Variants in SYT14 observed in about 807,000 individuals in gnomAD.
The protein encoded by SYT14 is synaptotagmin 14, also known as synaptotagmin-14.
A neutral mutation model predicts 74.2 loss-of-function variants in SYT14; 32 were observed. The observed-to-expected ratio is 0.43, with a 90% CI of 0.33 to 0.58. The LOEUF (loss-of-function observed/expected upper bound fraction) is 0.58, where lower values mean the gene tolerates loss of function less well. Ranked by LOEUF, SYT14 falls within the 20% of genes least tolerant of loss-of-function variation. SYT14 has a pLI of 0.05. For missense variants in SYT14, 791 were observed against 981.8 expected, an observed-to-expected ratio of 0.81 and a Z score of 2.60; for synonymous variants, 298 against 337.7, an observed-to-expected ratio of 0.88 and a Z score of 1.29.
chr1:210,043,923 A>G (rs957421550), intron 5 of SYT14, among the ~76,000 whole-genome samples: 3 of 152,174 alleles, frequency 2.0e-5, no homozygotes, highest in Non-Finnish European at 4.4e-5. Context: ...ATTTTTTATT[A>G]GGATAATACC....
exon 7 of SYT14, chr1:210,100,323 A>C (rs2082040381): frequency 7.4e-6 from 12 of 1,614,026 alleles, no homozygotes; most frequent in Non-Finnish European, 1.0e-5. Flanking sequence ...GAAATTATGC[A>C]GTTCGGTTTA....
intron 2 of SYT14, among the ~76,000 whole-genome samples, chr1:209,990,062 T>C (rs2079638433): frequency 6.6e-6 from 1 of 152,126 alleles, no homozygotes; most frequent in Non-Finnish European, 1.5e-5. Context: ...AGACCTCCTG[T>C]TTGCTATCTT....
At chr1:210,021,290 A>G in intron 5 of SYT14, 36 bp downstream of exon 4, 1 of 1,565,394 alleles carries the variant, frequency 6.4e-7, no homozygotes, top group Non-Finnish European at 8.8e-7. Context: ...TACATGACAC[A>G]CTATAGTATT....
At chr1:210,033,757 C>G (rs553641463) in intron 5 of SYT14, among the ~76,000 whole-genome samples, 4 of 151,602 alleles carry the variant, frequency 2.6e-5, no homozygotes, top group African/African-American at 9.7e-5. Context: ...AGTCATTGTG[C>G]CTTGATTTTA....
intron 2 of SYT14, among the ~76,000 whole-genome samples, chr1:209,987,011 C>G (rs2079582759): frequency 6.6e-6 from 1 of 152,220 alleles, no homozygotes; most frequent in African/African-American, 2.4e-5. Context: ...TATGAGTTAC[C>G]TTTGCTCCAG....
Position 210,159,848 on chromosome 1 carries a change from A to G in SYT14, c.2281+371A>G, listed in dbSNP as rs1284269586. Among the ~76,000 whole-genome samples, 3 of 152,198 alleles carry G rather than the reference A, an allele frequency of 2.0e-5. No individual in the cohort carries two copies. In the East Asian group the frequency reaches 5.8e-4, roughly 29 times the overall value. ...TGCTGAAGATCATTTGCATGAGTCT[A>G]AAAAACTTGAAAACAGTCTTATAAA... On this transcript the variant is annotated intron_variant, in intron 9 of 9. Transcript: ENST00000637265.
rs1177057415 is a variant in SYT14 at position 209,990,524 on chromosome 1, CATATATATATATACGTATATATATGT to C, written c.-485-23099_-485-23074del. ...TTTTTAAGGATGAAGGAATATTTCA[CATATATATATATACGTATATATATGT>C]ATATATATACGTATATATATGTATG... On this transcript the variant is annotated intron_variant, in intron 2 of 9. Transcript: ENST00000637265. Among the ~76,000 whole-genome samples the C allele has an allele frequency of 1.5e-3, 5 of 3,394 alleles. 1 individual carries two copies. Among genetic ancestry groups the C allele is most frequent in the Non-Finnish European group, 8.2e-3 (3 of 364 alleles). The allele number at this position is 3,394 out of a possible 152,430, so 2.2% of individuals were successfully genotyped here.
intron 1 of SYT14, among the ~76,000 whole-genome samples, chr1:209,948,039 TA>T (rs2078849879): frequency 6.6e-6 from 1 of 152,236 alleles, no homozygotes; most frequent in South Asian, 2.1e-4. Flanking sequence ...ATTGCACACT[TA>T]ATAGACTACA....
At chr1:209,949,557 G>GT (rs1412740965) in intron 1 of SYT14, among the ~76,000 whole-genome samples, 2 of 143,754 alleles carry the variant, frequency 1.4e-5, no homozygotes, top group Non-Finnish European at 1.5e-5. Flanking sequence ...TGGCGACAGA[G>GT]TGAGACTCCG....
At chr1:210,066,332 C>G (rs2081295904) in intron 5 of SYT14, among the ~76,000 whole-genome samples, 1 of 152,014 alleles carries the variant, frequency 6.6e-6, no homozygotes, top group African/African-American at 2.4e-5. Flanking sequence ...AACTAGTTTA[C>G]AGTCCCACCA....
chr1:210,133,661 C>G (rs1348969082), intron 7 of SYT14, among the ~76,000 whole-genome samples: 1 of 152,122 alleles, frequency 6.6e-6, no homozygotes, highest in Non-Finnish European at 1.5e-5. Flanking sequence ...ATCAAAACCT[C>G]TGTACTTTCT....
intron 2 of SYT14, among the ~76,000 whole-genome samples, chr1:209,960,958 G>T (rs2079067166): frequency 6.6e-6 from 1 of 152,170 alleles, no homozygotes; most frequent in Non-Finnish European, 1.5e-5. Context: ...GCTGAACTTG[G>T]TGCTGCTTTT....
At chr1:210,042,349 T>C (rs1250036968) in intron 5 of SYT14, among the ~76,000 whole-genome samples, 2 of 152,246 alleles carry the variant, frequency 1.3e-5, no homozygotes, top group African/African-American at 4.8e-5. Context: ...TCTTTTGCTG[T>C]GCAGAAGCTC....
At position 210,122,262 on chromosome 1, in the gene SYT14, G is replaced by A. The variant is rs1274988775; in HGVS notation, c.2034+21801G>A. ...CAAAGTGCTGGGATTACAGGCGTGA[G>A]CCACCGCGCCCGGCCCAAATCCTGA... is the stretch of plus-strand genomic sequence containing the variant. On this transcript the variant is annotated intron_variant, in intron 7 of 9. Coordinates refer to ENST00000637265, the Ensembl canonical transcript of SYT14. 1.3e-5 allele frequency among the ~76,000 whole-genome samples: 2 copies of A among 149,820 alleles called. 1 individual carries two copies. Among genetic ancestry groups the A allele is most frequent in the African/African-American group, 5.0e-5 (2 of 40,370 alleles).
At chr1:210,168,933 C>T (rs1315285591) in exon 10 of SYT14, 1 of 152,174 alleles carries the variant, frequency 6.6e-6, no homozygotes, top group African/African-American at 2.4e-5. Flanking sequence ...AGGACGGCCG[C>T]TTCAGTACCC....
At chr1:210,079,627 G>T (rs546160087) in intron 5 of SYT14, among the ~76,000 whole-genome samples, 4 of 152,240 alleles carry the variant, frequency 2.6e-5, no homozygotes, top group African/African-American at 9.6e-5. Context: ...TGAAGGAGTA[G>T]CTGCTAAAGG....
chr1:210,042,713 G>T (rs1472424541), intron 5 of SYT14, among the ~76,000 whole-genome samples: 4 of 152,074 alleles, frequency 2.6e-5, no homozygotes, highest in Non-Finnish European at 5.9e-5. Flanking sequence ...ATTGGTCTAT[G>T]TATCTGTTTT....
chr1:209,978,801 A>T (rs529446108), intron 2 of SYT14, among the ~76,000 whole-genome samples: 4 of 152,320 alleles, frequency 2.6e-5, no homozygotes, highest in African/African-American at 9.6e-5. Context: ...CTGCCCCCAG[A>T]GGTGGAACCT....
intron 5 of SYT14, among the ~76,000 whole-genome samples, chr1:210,054,529 A>G (rs1437114524): frequency 4.6e-5 from 7 of 150,778 alleles, no homozygotes; most frequent in Non-Finnish European, 5.9e-5. Context: ...CTTGTCTTTT[A>G]TATTGGAGGT....
Sources: gnomAD v4.1 joint callset for allele counts (sites outside exome capture counted in the v4.1 genomes callset) on GRCh38, gnomAD v4.1.1 for gene constraint, MANE v1.5 for transcripts, NCBI Gene and HGNC (gene_info 2026-07-23, HGNC 2026-07-21) for gene names.